The following PXDNL variants were observed in gnomAD, a reference collection of about 807,000 sequenced individuals.
PXDNL encodes the protein probable oxidoreductase PXDNL.
In PXDNL, 145 loss-of-function variants were observed where a neutral mutation model predicts 150.8. The observed-to-expected ratio is 0.96, with a 90% CI of 0.84 to 1.10. The LOEUF (loss-of-function observed/expected upper bound fraction) is 1.10, where lower values mean the gene tolerates loss of function less well. Ranked by LOEUF, PXDNL falls within the 50% of genes least tolerant of loss-of-function variation. The probability of loss-of-function intolerance (pLI) is 0.00; values close to 1 mark genes in which losing one functional copy is unlikely to be tolerated. For synonymous variants in PXDNL, 757 were observed against 725.7 expected (o/e 1.04, Z -0.69); for missense variants, 2,087 against 1,873.9 (o/e 1.11, Z -2.10).
chr8:51,387,982 T>C (rs544799551), intron 17 of PXDNL, among the ~76,000 whole-genome samples: 40 of 152,294 alleles, frequency 2.6e-4, no homozygotes, highest in African/African-American at 8.7e-4. Flanking sequence ...CTGTAAAAAA[T>C]GACTTCAGGG....
chr8:51,412,452 T>A (rs1481568977), intron 15 of PXDNL, among the ~76,000 whole-genome samples: 1 of 152,116 alleles, frequency 6.6e-6, no homozygotes, highest in Non-Finnish European at 1.5e-5. Context: ...AAGTGAGGAA[T>A]CAGGAAGAGA....
intron 4 of PXDNL, among the ~76,000 whole-genome samples, chr8:51,528,186 C>T (rs889785900): frequency 6.6e-6 from 1 of 152,132 alleles, no homozygotes; most frequent in African/African-American, 2.4e-5. Flanking sequence ...CCCCGCTTCT[C>T]CTGGCAGCTG....
At chr8:51,364,743 TA>T (rs1209384914) in intron 19 of PXDNL, among the ~76,000 whole-genome samples, 4 of 152,174 alleles carry the variant, frequency 2.6e-5, no homozygotes, top group African/African-American at 9.7e-5. Flanking sequence ...CATCATAGGT[TA>T]AAGAGAACAT....
intron 1 of PXDNL, among the ~76,000 whole-genome samples, chr8:51,725,263 C>T (rs1199656317): frequency 1.3e-5 from 2 of 152,130 alleles, no homozygotes; most frequent in Admixed American, 6.5e-5. Flanking sequence ...CCATGTCCGT[C>T]GATCACAGAA....
chr8:51,414,909 C>G (rs1798811065), intron 14 of PXDNL, among the ~76,000 whole-genome samples: 1 of 152,144 alleles, frequency 6.6e-6, no homozygotes, highest in Non-Finnish European at 1.5e-5. Context: ...TGTCAATGAA[C>G]TACCATTTTA....
At chr8:51,801,336 A>T (rs2037618122) in intron 1 of PXDNL, among the ~76,000 whole-genome samples, 1 of 152,144 alleles carries the variant, frequency 6.6e-6, no homozygotes, top group South Asian at 2.1e-4. Flanking sequence ...TAAGATGTTT[A>T]TCAAGACAGT....
At chr8:51,401,200 A>G (rs1037958617) in intron 17 of PXDNL, among the ~76,000 whole-genome samples, 22 of 152,240 alleles carry the variant, frequency 1.4e-4, no homozygotes, top group African/African-American at 5.3e-4. Flanking sequence ...ACTGGCATTT[A>G]GAGTCAAACA....
intron 4 of PXDNL, among the ~76,000 whole-genome samples, chr8:51,532,748 C>T (rs894464303): frequency 6.6e-6 from 1 of 152,136 alleles, no homozygotes; most frequent in Non-Finnish European, 1.5e-5. Flanking sequence ...GCTGTCTCTT[C>T]TATTTTCTCC....
At chr8:51,649,704 T>A (rs1814994805) in intron 2 of PXDNL, among the ~76,000 whole-genome samples, 1 of 152,230 alleles carries the variant, frequency 6.6e-6, no homozygotes, top group Non-Finnish European at 1.5e-5. Context: ...TTCTTTCTTT[T>A]TAATTATGTT....
chr8:51,464,718 C>T lies in PXDNL; in HGVS notation c.813-7051G>A, dbSNP rs530159971. Among the ~76,000 whole-genome samples, 20 of 152,008 alleles carry T rather than the reference C, an allele frequency of 1.3e-4. 1 individual carries two copies. The South Asian group carries it at 2.9e-3, about 22-fold the overall frequency. ...TAACATCACACACCAGGGCCTGTCGCGGGGTGGGGAGCTAGGGGAGGGATA... is the reference window on the plus strand; with the variant it reads ...TAACATCACACACCAGGGCCTGTCGTGGGGTGGGGAGCTAGGGGAGGGATA... On this transcript the variant is annotated intron_variant, in intron 8 of 22. Transcript: ENST00000356297.
At chr8:51,725,687 T>A (rs1027563470) in intron 1 of PXDNL, among the ~76,000 whole-genome samples, 4 of 152,224 alleles carry the variant, frequency 2.6e-5, no homozygotes, top group African/African-American at 9.6e-5. Context: ...CAGGCATGAA[T>A]TATAAGTCCT....
chr8:51,324,320 AAG>A (rs879354307), intron 21 of PXDNL, among the ~76,000 whole-genome samples: 4 of 151,412 alleles, frequency 2.6e-5, no homozygotes, highest in Non-Finnish European at 5.9e-5. Context: ...TAGGTTGAAT[AAG>A]AGTGGTGAGA....
chr8:51,331,576 C>T (rs1460148542), intron 21 of PXDNL, among the ~76,000 whole-genome samples: 2 of 152,036 alleles, frequency 1.3e-5, no homozygotes, highest in African/African-American at 2.4e-5. Flanking sequence ...AGGCAGAAAG[C>T]CTGAAAGCTT....
intron 4 of PXDNL, among the ~76,000 whole-genome samples, chr8:51,547,697 C>G (rs550361790): frequency 1.3e-5 from 2 of 152,132 alleles, no homozygotes; most frequent in Non-Finnish European, 2.9e-5. Context: ...GAACAGCAGC[C>G]CTTGAGTCCC....
chr8:51,576,119 G>A (rs1006821111), intron 3 of PXDNL, among the ~76,000 whole-genome samples: 1 of 138,930 alleles, frequency 7.2e-6, no homozygotes, highest in Non-Finnish European at 1.6e-5. Context: ...GACCTAAACA[G>A]AAAATCACCC....
chr8:51,414,994 AGGC>A (rs1563402244), intron 14 of PXDNL, among the ~76,000 whole-genome samples: 1 of 152,206 alleles, frequency 6.6e-6, no homozygotes. Flanking sequence ...ATAAATCCTC[AGGC>A]AGACTGATAG....
chr8:51,556,228 C>T (rs1169654013), intron 4 of PXDNL, among the ~76,000 whole-genome samples: 1 of 152,042 alleles, frequency 6.6e-6, no homozygotes, highest in East Asian at 1.9e-4. Flanking sequence ...GGGACAACTG[C>T]ACTCCAGTCT....
intron 2 of PXDNL, among the ~76,000 whole-genome samples, chr8:51,651,769 T>G (rs1394140794): frequency 6.6e-6 from 1 of 152,176 alleles, no homozygotes; most frequent in Non-Finnish European, 1.5e-5. Context: ...GAATTGAATT[T>G]GAGCCTGTTT....
chr8:51,796,384 G>T lies in PXDNL; in HGVS notation c.164+12797C>A, dbSNP rs375519811. ...CCTTCAAAAAAATCAATGAATACAC[G>T]AGCTGGTGTTTTGAAAAAAAAATTA... On this transcript the variant is annotated intron_variant, in intron 1 of 22. Coordinates refer to ENST00000356297, the MANE Select transcript of PXDNL (RefSeq NM_144651.5). Among the ~76,000 whole-genome samples the T allele has an allele frequency of 1.5e-3, 214 of 143,090 alleles. 3 individuals are homozygous for T. In the South Asian group the frequency reaches 0.019, roughly 13 times the overall value. The allele number at this position is 143,090 out of a possible 152,430, so 93.9% of individuals were successfully genotyped here.
Sources: gnomAD v4.1 joint callset for allele counts (sites outside exome capture counted in the v4.1 genomes callset) on GRCh38, gnomAD v4.1.1 for gene constraint, MANE v1.5 for transcripts, NCBI Gene and HGNC (gene_info 2026-07-23, HGNC 2026-07-21) for gene names.